KAZN: variants seen among roughly 807,000 people sequenced by gnomAD.
KAZN encodes the protein kazrin.
Under a neutral mutation model 87.4 loss-of-function variants are expected in KAZN, and 40 were observed. The observed-to-expected ratio is 0.46, with a 90% CI of 0.36 to 0.60. KAZN has a LOEUF of 0.60. Among genes scored for constraint, KAZN ranks in the 20% least tolerant of loss-of-function variants. The pLI is 0.00. For missense variants in KAZN, 898 were observed against 1,073.9 expected (o/e 0.84, Z 2.29); for synonymous variants, 466 against 458.3 (o/e 1.02, Z -0.22).
chr1:14,427,014 G>A (rs186193770), intron 2 of KAZN, among the ~76,000 whole-genome samples: 4 of 152,306 alleles, frequency 2.6e-5, no homozygotes, highest in East Asian at 3.9e-4. Flanking sequence ...CAGACTTGAC[G>A]CTTCCTGTTA....
Position 14,770,520 on chromosome 1 carries a change from G to T in KAZN, c.226+171297G>T, listed in dbSNP as rs1020814863. Among the ~76,000 whole-genome samples the T allele has an allele frequency of 2.6e-5, 4 of 152,256 alleles. 1 individual carries two copies. In the South Asian group the frequency reaches 8.3e-4, roughly 32 times the overall value. On this transcript the variant is annotated intron_variant, in intron 1 of 14. Coordinates refer to ENST00000376030, the MANE Select transcript of KAZN (RefSeq NM_201628.3). ...CTATTTGCTAAGATAAGGAACACGG[G>T]TGGTTCTGTGGCTGTACAATTCTTT...
chr1:14,035,692 C>G (rs557697897), intron 1 of KAZN, among the ~76,000 whole-genome samples: 1 of 149,372 alleles, frequency 6.7e-6, no homozygotes, highest in Non-Finnish European at 1.5e-5. Context: ...TCAGGCTGGT[C>G]TTGAATTCCT....
At chr1:14,408,222 G>C (rs557426646) in intron 2 of KAZN, among the ~76,000 whole-genome samples, 124 of 152,366 alleles carry the variant, frequency 8.1e-4, no homozygotes, top group Non-Finnish European at 1.2e-3. Flanking sequence ...TTATGCATGA[G>C]AAGGAGGAAA....
At chr1:14,691,148 AT>A (rs1258836280) in intron 1 of KAZN, among the ~76,000 whole-genome samples, 3 of 152,054 alleles carry the variant, frequency 2.0e-5, no homozygotes, top group Non-Finnish European at 4.4e-5. Context: ...AGCTTTGGGG[AT>A]TTTTGACTAT....
intron 8 of KAZN, among the ~76,000 whole-genome samples, chr1:15,086,768 C>T (rs2100652156): frequency 1.3e-5 from 2 of 152,290 alleles, no homozygotes; most frequent in South Asian, 4.2e-4. Context: ...TTAAATAATT[C>T]TTACTATTTA....
At chr1:14,307,457 C>T (rs983775543) in intron 2 of KAZN, among the ~76,000 whole-genome samples, 2 of 152,220 alleles carry the variant, frequency 1.3e-5, no homozygotes, top group Non-Finnish European at 2.9e-5. Context: ...TAGGTCATGT[C>T]TACACCTATG....
chr1:14,347,240 C>T (rs1468080285), intron 2 of KAZN, among the ~76,000 whole-genome samples: 1 of 152,202 alleles, frequency 6.6e-6, no homozygotes, highest in Non-Finnish European at 1.5e-5. Context: ...CTGGGCACTG[C>T]ACAATCCCAG....
At chr1:14,239,417 T>C (rs924785623) in intron 2 of KAZN, among the ~76,000 whole-genome samples, 1 of 151,772 alleles carries the variant, frequency 6.6e-6, no homozygotes, top group Non-Finnish European at 1.5e-5. Flanking sequence ...CTGACTTTTG[T>C]TTTACTTGGC....
At chr1:15,007,209 A>G (rs1457826142) in intron 2 of KAZN, among the ~76,000 whole-genome samples, 1 of 152,128 alleles carries the variant, frequency 6.6e-6, no homozygotes, top group Non-Finnish European at 1.5e-5. Context: ...AACCTTTGGC[A>G]ACAACTCTGA....
chr1:14,616,170 G>A (rs991073199), intron 1 of KAZN, among the ~76,000 whole-genome samples: 12 of 152,190 alleles, frequency 7.9e-5, no homozygotes, highest in African/African-American at 1.7e-4. Flanking sequence ...GCTGGAGAGC[G>A]CAAGTGAGTC....
At chr1:14,870,893 T>C (rs1041534189) in intron 1 of KAZN, among the ~76,000 whole-genome samples, 1 of 152,198 alleles carries the variant, frequency 6.6e-6, no homozygotes, top group African/African-American at 2.4e-5. Flanking sequence ...ACCAGAATGA[T>C]AAGAAATTAA....
chr1:14,869,010 G>T (rs79776698), intron 1 of KAZN, among the ~76,000 whole-genome samples: 7,182 of 152,162 alleles, frequency 0.047, 188 homozygotes, highest in African/African-American at 0.071. Context: ...GTGGTATTGT[G>T]GGTACCCACA....
intron 1 of KAZN, among the ~76,000 whole-genome samples, chr1:14,945,568 C>T (rs1661663909): frequency 6.6e-6 from 1 of 152,238 alleles, no homozygotes; most frequent in Admixed American, 6.5e-5. Flanking sequence ...GGCTGGCTCC[C>T]CGGCCCGGCT....
At chr1:14,623,069 TA>T (rs1378401506) in intron 1 of KAZN, among the ~76,000 whole-genome samples, 4 of 152,302 alleles carry the variant, frequency 2.6e-5, no homozygotes, top group East Asian at 3.9e-4. Context: ...CAGAAAATCG[TA>T]AAACAGAATG....
intron 2 of KAZN, among the ~76,000 whole-genome samples, chr1:14,324,086 C>A (rs555394055): frequency 6.6e-6 from 1 of 152,278 alleles, no homozygotes; most frequent in South Asian, 2.1e-4. Flanking sequence ...TGTTTTCCAA[C>A]CTGTTCGTCT....
intron 1 of KAZN, among the ~76,000 whole-genome samples, chr1:14,627,692 G>A (rs72647636): frequency 7.0e-4 from 106 of 152,242 alleles, no homozygotes; most frequent in Non-Finnish European, 1.2e-3. Flanking sequence ...CTAGTTTCCC[G>A]TTAGAATCCA....
At chr1:14,040,904 C>A (rs4662084) in intron 1 of KAZN, among the ~76,000 whole-genome samples, 93,736 of 152,010 alleles carry the variant, frequency 0.62, 30,259 homozygotes, top group African/African-American at 0.8. Flanking sequence ...TAGATATAAA[C>A]ATTAAATTAC....
chr1:14,380,917 A>C (rs754557789), intron 2 of KAZN, among the ~76,000 whole-genome samples: 1 of 152,264 alleles, frequency 6.6e-6, no homozygotes, highest in Non-Finnish European at 1.5e-5. Context: ...GACTACATCA[A>C]GGCATTTAAT....
At chr1:14,595,459 C>T (rs1380709086), upstream of KAZN, among the ~76,000 whole-genome samples, 1 of 151,942 alleles carries the variant, frequency 6.6e-6, no homozygotes, top group Non-Finnish European at 1.5e-5. Context: ...AGGTGGATTG[C>T]TTGAGGTCAG....
Sources: allele counts gnomAD v4.1 joint callset (sites outside exome capture counted in the v4.1 genomes callset), GRCh38; gene constraint gnomAD v4.1.1; transcripts MANE v1.5; gene names NCBI Gene and HGNC (gene_info 2026-07-23, HGNC 2026-07-21).